The following ACADSB variants were observed in gnomAD, a reference collection of about 807,000 sequenced individuals.
ACADSB encodes the protein acyl-CoA dehydrogenase short/branched chain, also known as short/branched chain specific acyl-CoA dehydrogenase, mitochondrial.
A neutral mutation model predicts 54.1 loss-of-function variants in ACADSB; 40 were observed. The ratio of observed to expected loss-of-function variants is 0.74; its 90% CI spans 0.57 to 0.96. The LOEUF is 0.96. Ranked by LOEUF, ACADSB falls within the 40% of genes least tolerant of loss-of-function variation. The pLI, the probability that ACADSB is intolerant of heterozygous loss-of-function variation, is 0.00. For missense variants in ACADSB, 530 were observed against 510.4 expected (o/e 1.04, Z -0.37); for synonymous variants, 182 against 182.8 (o/e 1.00, Z 0.03).
In ACADSB at chr10:123,052,212, A is replaced by G. The variant is rs12772179; in HGVS notation, c.1129-849A>G. Among the ~76,000 whole-genome samples the G allele has an allele frequency of 0.2, 31,109 of 152,126 alleles. 3,467 individuals carry two copies. Among genetic ancestry groups the G allele is most frequent in the South Asian group, 0.31 (1,508 of 4,826 alleles). ...CGGGGACCTAAAACAACGCAGTTTC[A>G]TTTTCTGTCACTTCTAGAGGTCAGA... is the stretch of plus-strand genomic sequence containing the variant. On this transcript the variant is annotated intron_variant, in intron 9 of 10. Transcript: ENST00000358776. This position sits in a 1 kb window ranked among gnomAD's most constrained non-coding sequence, Gnocchi z 4.2.
At chr10:123,049,647 T>C (rs1031515428) in intron 8 of ACADSB, among the ~76,000 whole-genome samples, 2 of 152,224 alleles carry the variant, frequency 1.3e-5, no homozygotes, top group African/African-American at 4.8e-5. Context: ...GACCCATGCA[T>C]GCAGCAGATT....
chr10:123,040,810 T>A, intron 4 of ACADSB, 138 bp downstream of exon 4: 1 of 839,506 alleles, frequency 1.2e-6, no homozygotes, highest in Non-Finnish European at 1.9e-6. Context: ...CAATGCTTGA[T>A]AAATTAATGC....
At chr10:123,015,632 C>G (rs1850101451) in intron 1 of ACADSB, among the ~76,000 whole-genome samples, 1 of 152,208 alleles carries the variant, frequency 6.6e-6, no homozygotes, top group Non-Finnish European at 1.5e-5. Context: ...GAAAGGTGGC[C>G]TTTCTCCTTA....
intron 1 of ACADSB, among the ~76,000 whole-genome samples, chr10:123,031,563 C>T (rs1850327441): frequency 6.6e-6 from 1 of 152,158 alleles, no homozygotes; most frequent in African/African-American, 2.4e-5. Flanking sequence ...AGAAAATCAA[C>T]ATCAAAACAT....
intron 3 of ACADSB, among the ~76,000 whole-genome samples, chr10:123,038,967 T>A (rs1213384667): frequency 6.6e-6 from 1 of 152,092 alleles, no homozygotes; most frequent in Admixed American, 6.6e-5. Context: ...CCCGCGGTGG[T>A]CGTTCCTGCA....
intron 9 of ACADSB, among the ~76,000 whole-genome samples, chr10:123,051,609 T>G (rs1009752222): frequency 2.0e-5 from 3 of 152,206 alleles, no homozygotes; most frequent in African/African-American, 7.2e-5. Context: ...GGGTCCATCA[T>G]GTGAACAAAT....
At chr10:123,038,007 G>T in intron 3 of ACADSB, among the ~76,000 whole-genome samples, 160 bp downstream of exon 3, 1 of 152,202 alleles carries the variant, frequency 6.6e-6, no homozygotes, top group East Asian at 1.9e-4. Flanking sequence ...TCTTAAAAAT[G>T]GAATTAACAT....
chr10:123,025,381 C>T (rs906672167), intron 1 of ACADSB, among the ~76,000 whole-genome samples: 7 of 152,082 alleles, frequency 4.6e-5, no homozygotes, highest in Non-Finnish European at 8.8e-5. Flanking sequence ...GGAGGATCAT[C>T]TGAGTCCGGG....
At chr10:123,041,885 A>G (rs1225939178) in intron 5 of ACADSB, among the ~76,000 whole-genome samples, 3 of 151,786 alleles carry the variant, frequency 2.0e-5, no homozygotes, top group Non-Finnish European at 4.4e-5. Flanking sequence ...CGCCACAGAT[A>G]TGGAGGGATG....
intron 1 of ACADSB, among the ~76,000 whole-genome samples, chr10:123,023,660 C>A (rs1288720379): frequency 1.3e-5 from 2 of 152,162 alleles, no homozygotes; most frequent in Admixed American, 1.3e-4. Context: ...AAGGCCAAAC[C>A]TCCCCAGGCT....
At chr10:123,046,061 G>A (rs776693726) in intron 7 of ACADSB, among the ~76,000 whole-genome samples, 21 of 152,118 alleles carry the variant, frequency 1.4e-4, no homozygotes, top group Non-Finnish European at 2.4e-4. Flanking sequence ...TTCAGTCTTC[G>A]TGTCAATATA....
intron 9 of ACADSB, 36 bp from the exon 10 acceptor site, chr10:123,053,025 T>A: frequency 6.6e-7 from 1 of 1,504,756 alleles, no homozygotes; most frequent in Non-Finnish European, 9.3e-7. Flanking sequence ...ATAAGTTATG[T>A]GGTTTCAGTG....
intron 10 of ACADSB, among the ~76,000 whole-genome samples, 189 bp from the exon 11 acceptor site, chr10:123,053,506 G>C (rs192675168): frequency 6.6e-6 from 1 of 152,026 alleles, no homozygotes. Flanking sequence ...CCTGGACATC[G>C]AGAAACCAAA....
At chr10:123,012,422 G>A (rs150248020) in intron 1 of ACADSB, among the ~76,000 whole-genome samples, 1 of 152,188 alleles carries the variant, frequency 6.6e-6, no homozygotes, top group African/African-American at 2.4e-5. Flanking sequence ...GGAAGTGTTT[G>A]GGTCATAGTG....
chr10:123,034,950 TTTTTTC>T (rs1850378179), intron 2 of ACADSB, among the ~76,000 whole-genome samples: 1 of 151,696 alleles, frequency 6.6e-6, no homozygotes, highest in African/African-American at 2.4e-5. Flanking sequence ...TTTCTTTCTT[TTTTTTC>T]TTTTTTTTTT....
rs976483231 is a variant in ACADSB, at chr10:123,057,449, C to T, written c.*3684C>T. 2.0e-5 allele frequency: 3 copies of T among 152,082 alleles called. No individual in the cohort carries two copies. Among genetic ancestry groups the T allele is most frequent in the African/African-American group, 7.2e-5 (3 of 41,416 alleles). The allele number at this position is 152,082 out of a possible 1,614,324, so 9.4% of individuals were successfully genotyped here. A position where few individuals can be genotyped will look rare whatever the true frequency, so the allele number is the denominator to read the frequency against. The stretch of plus-strand genomic sequence containing the variant: ...CTGTAGTTCTTCCTTTATAGCTTTT[C>T]TTCTGATAACCATGACTTCAGGAGC... On this transcript the variant is annotated 3_prime_UTR_variant, in exon 11 of 11. Coordinates refer to ENST00000358776, the MANE Select transcript of ACADSB (RefSeq NM_001609.4).
At chr10:123,017,999 G>C (rs138341422) in intron 1 of ACADSB, among the ~76,000 whole-genome samples, 1 of 152,044 alleles carries the variant, frequency 6.6e-6, no homozygotes, top group East Asian at 1.9e-4. Context: ...CTTCTTATTA[G>C]GCCTAAAGTT....
chr10:123,011,301 T>C (rs1290480372), intron 1 of ACADSB, among the ~76,000 whole-genome samples: 5 of 152,194 alleles, frequency 3.3e-5, no homozygotes, highest in Non-Finnish European at 4.4e-5. Context: ...AGTGGCTTCA[T>C]CTTGCAAATG....
At chr10:123,044,362 C>A in intron 6 of ACADSB, 31 bp from the exon 7 acceptor site, 1 of 1,524,516 alleles carries the variant, frequency 6.6e-7, no homozygotes, top group Non-Finnish European at 9.1e-7. Flanking sequence ...GAAAATGAAA[C>A]TGAGAAATAA....
Sources: allele counts gnomAD v4.1 joint callset (sites outside exome capture counted in the v4.1 genomes callset), GRCh38; gene constraint gnomAD v4.1.1; non-coding constraint Gnocchi (gnomAD v3.1); transcripts MANE v1.5; gene names NCBI Gene and HGNC (gene_info 2026-07-23, HGNC 2026-07-21).